Variants in DIP2C observed in about 807,000 individuals in gnomAD.
The protein encoded by DIP2C is disco-interacting protein 2 homolog C.
Under a neutral mutation model 192.4 loss-of-function variants are expected in DIP2C, and 33 were observed. That is an observed-to-expected ratio of 0.17 (90% CI 0.13 to 0.23). The LOEUF is 0.23. Ranked by LOEUF, DIP2C falls within the 10% of genes least tolerant of loss-of-function variation. The pLI, the probability that DIP2C is intolerant of heterozygous loss-of-function variation, is 1.00. For missense variants in DIP2C, 1,537 were observed against 2,110.1 expected, an observed-to-expected ratio of 0.73 and a Z score of 5.32; for synonymous variants, 979 against 864.1, an observed-to-expected ratio of 1.13 and a Z score of -2.33.
chr10:602,389 G>C (rs1031791613), intron 1 of DIP2C, among the ~76,000 whole-genome samples: 1 of 152,182 alleles, frequency 6.6e-6, no homozygotes, highest in East Asian at 1.9e-4. Context: ...CAGAGCAATG[G>C]CTCTGGCCTG....
At chr10:285,797 C>A (rs894579863) in intron 34 of DIP2C, among the ~76,000 whole-genome samples, 3 of 152,224 alleles carry the variant, frequency 2.0e-5, no homozygotes, top group African/African-American at 4.8e-5. Context: ...ATTCTGAACA[C>A]AATGAGGCAA....
chr10:580,095 A>G (rs1053521560), intron 1 of DIP2C, among the ~76,000 whole-genome samples: 2 of 152,162 alleles, frequency 1.3e-5, no homozygotes, highest in African/African-American at 4.8e-5. Context: ...ACACATGCAC[A>G]TTTGTATGTA....
At chr10:577,845 AAG>A (rs1348192901) in intron 1 of DIP2C, among the ~76,000 whole-genome samples, 2 of 151,498 alleles carry the variant, frequency 1.3e-5, no homozygotes, top group East Asian at 3.9e-4. Flanking sequence ...TTAACCACAA[AAG>A]AAGAAAGAAC....
intron 32 of DIP2C, among the ~76,000 whole-genome samples, chr10:298,789 C>CCT (rs1176862497): frequency 1.3e-5 from 2 of 152,198 alleles, no homozygotes; most frequent in African/African-American, 4.8e-5. Flanking sequence ...CCAGACCCTC[C>CCT]CTGTCACTGG....
chr10:592,103 T>C (rs1851438517), intron 1 of DIP2C, among the ~76,000 whole-genome samples: 1 of 152,258 alleles, frequency 6.6e-6, no homozygotes, highest in East Asian at 1.9e-4. Flanking sequence ...TTTTCTGTTA[T>C]AAACGTATAA....
At chr10:640,653 G>A (rs944164181) in intron 1 of DIP2C, among the ~76,000 whole-genome samples, 28 of 151,776 alleles carry the variant, frequency 1.8e-4, no homozygotes, top group African/African-American at 6.5e-4. Context: ...GTGCGCGCGG[G>A]GAAGAGGGTG....
intron 1 of DIP2C, among the ~76,000 whole-genome samples, chr10:517,714 C>G (rs1287804721): frequency 1.3e-5 from 2 of 152,148 alleles, no homozygotes; most frequent in Non-Finnish European, 2.9e-5. Flanking sequence ...GAAAGATGGT[C>G]CCTTTGATTG....
At chr10:381,288 C>T (rs1962348534) in intron 17 of DIP2C, among the ~76,000 whole-genome samples, 1 of 152,230 alleles carries the variant, frequency 6.6e-6, no homozygotes. Context: ...AAAAGACAGT[C>T]TTAATGAGAC....
intron 18 of DIP2C, 48 bp from the exon 19 acceptor site, chr10:366,459 G>A: frequency 1.2e-6 from 2 of 1,611,178 alleles, no homozygotes; most frequent in African/African-American, 2.7e-5. Context: ...GGGCAGGTGG[G>A]GAGAATAAAG....
At chr10:587,400 C>T (rs756411346) in intron 1 of DIP2C, among the ~76,000 whole-genome samples, 21 of 152,210 alleles carry the variant, frequency 1.4e-4, no homozygotes, top group Non-Finnish European at 2.6e-4. Context: ...ACAGGAACAG[C>T]GTCAGCACAC....
intron 8 of DIP2C, among the ~76,000 whole-genome samples, chr10:411,102 A>G (rs1965155943): frequency 6.6e-6 from 1 of 152,216 alleles, no homozygotes; most frequent in South Asian, 2.1e-4. Flanking sequence ...ACCACGCAAA[A>G]AAGCAGCAAG....
intron 1 of DIP2C, among the ~76,000 whole-genome samples, chr10:620,709 T>C (rs1168315224): frequency 1.3e-5 from 2 of 152,158 alleles, no homozygotes; most frequent in Non-Finnish European, 2.9e-5. Flanking sequence ...GGCCACTGTC[T>C]CCTCCTGTGT....
chr10:315,063 CCT>C (rs1446393243), intron 31 of DIP2C, among the ~76,000 whole-genome samples: 9 of 152,046 alleles, frequency 5.9e-5, no homozygotes, highest in Non-Finnish European at 2.9e-5. Flanking sequence ...TTCACTTTAC[CCT>C]CTGTGTATTT....
At chr10:449,813 C>CA (rs1365548611) in intron 3 of DIP2C, among the ~76,000 whole-genome samples, 1 of 146,248 alleles carries the variant, frequency 6.8e-6, no homozygotes, top group Non-Finnish European at 1.5e-5. Flanking sequence ...TAAACACATT[C>CA]AGTTACCTAA....
intron 1 of DIP2C, among the ~76,000 whole-genome samples, chr10:597,131 G>A (rs150130105): frequency 1.5e-4 from 23 of 152,308 alleles, no homozygotes; most frequent in Non-Finnish European, 2.4e-4. Flanking sequence ...ACAGCAAGGC[G>A]GGGAAGGCTG....
intron 29 of DIP2C, among the ~76,000 whole-genome samples, chr10:333,021 T>C (rs1278162268): frequency 6.6e-6 from 1 of 152,234 alleles, no homozygotes. Context: ...TCCTGCCTCA[T>C]GCTCCTGAGT....
At chr10:578,748 C>T (rs906967352) in intron 1 of DIP2C, among the ~76,000 whole-genome samples, 6 of 152,160 alleles carry the variant, frequency 3.9e-5, no homozygotes, top group African/African-American at 4.8e-5. Flanking sequence ...TGTGTACATG[C>T]ATAGTGTACA....
intron 5 of DIP2C, among the ~76,000 whole-genome samples, chr10:421,804 C>T (rs1458646599): frequency 6.6e-6 from 1 of 152,142 alleles, no homozygotes; most frequent in African/African-American, 2.4e-5. Context: ...AAGATCCCAG[C>T]AGCAGTTATT....
intron 1 of DIP2C, among the ~76,000 whole-genome samples, chr10:674,238 C>T (rs749669046): frequency 2.6e-5 from 4 of 152,096 alleles, no homozygotes; most frequent in Non-Finnish European, 5.9e-5. Context: ...TAAAGACACA[C>T]ATAGACTAAA....
Sources: gnomAD v4.1 joint callset for allele counts (sites outside exome capture counted in the v4.1 genomes callset) on GRCh38, gnomAD v4.1.1 for gene constraint, MANE v1.5 for transcripts, NCBI Gene and HGNC (gene_info 2026-07-23, HGNC 2026-07-21) for gene names.